The following PAK5 variants were observed in gnomAD, a reference collection of about 807,000 sequenced individuals.
PAK5 encodes serine/threonine-protein kinase PAK 5.
PAK5 carries 16 observed loss-of-function variants against 65.9 expected under a neutral mutation model. That is an observed-to-expected ratio of 0.24 (90% CI 0.16 to 0.37). The LOEUF (loss-of-function observed/expected upper bound fraction) is 0.37, where lower values mean the gene tolerates loss of function less well. Among genes scored for constraint, PAK5 ranks in the 10% least tolerant of loss-of-function variants. The pLI is 1.00. For synonymous variants in PAK5, 371 were observed against 354.9 expected, an observed-to-expected ratio of 1.05 and a Z score of -0.51; for missense variants, 785 against 903.9, an observed-to-expected ratio of 0.87 and a Z score of 1.69.
chr20:9,649,645 G>A (rs59570433), intron 2 of PAK5, among the ~76,000 whole-genome samples: 1,574 of 152,218 alleles, frequency 0.01, 34 homozygotes, highest in African/African-American at 0.036. Flanking sequence ...AGGTCTCTAC[G>A]AACAGGCATA....
chr20:9,746,784 C>T (rs1244394395), intron 1 of PAK5, among the ~76,000 whole-genome samples: 2 of 152,060 alleles, frequency 1.3e-5, no homozygotes, highest in African/African-American at 4.8e-5. Flanking sequence ...GTACCAAAAG[C>T]AAGAGCAAAC....
intron 1 of PAK5, among the ~76,000 whole-genome samples, chr20:9,816,049 T>C (rs1397569559): frequency 6.6e-6 from 1 of 152,112 alleles, no homozygotes; most frequent in Admixed American, 6.6e-5. Context: ...TTCTGAATTA[T>C]AGGAGATTGG....
intron 1 of PAK5, among the ~76,000 whole-genome samples, chr20:9,742,414 T>C (rs1015309154): frequency 6.6e-6 from 1 of 152,204 alleles, no homozygotes; most frequent in Admixed American, 6.5e-5. Flanking sequence ...ATTAATCAGA[T>C]GGAAGTGGGC....
At chr20:9,645,260 T>C (rs2047118719) in intron 2 of PAK5, among the ~76,000 whole-genome samples, 1 of 152,222 alleles carries the variant, frequency 6.6e-6, no homozygotes, top group Non-Finnish European at 1.5e-5. Context: ...TGAAACAACA[T>C]AGTTTACCTA....
rs2045529611 is a variant in PAK5, at chr20:9,557,712, T to C, written c.1639A>G (p.Thr547Ala). 6.2e-7 allele frequency: 1 copy of C among 1,611,536 alleles called. No individual in the cohort carries two copies. Among genetic ancestry groups the C allele is most frequent in the African/African-American group, 1.3e-5 (1 of 74,972 alleles). Residue 547 changes from threonine (T) to alanine (A), a missense_variant, in exon 7 of 10, where the codon ACT becomes GCT. Physicochemically the swap from Thr to Ala is moderately conservative, Grantham distance 58 (BLOSUM62 0). This residue lies in a region of PAK5 where 182 missense variants were observed against 273.0 expected (regional missense o/e 0.67). Coordinates refer to ENST00000353224, the MANE Select transcript of PAK5 (RefSeq NM_177990.4). ...GCTCTCAGAACTGACAGGCAGACAG[T>C]AGCTATCTGTTCTTCATTCATTCTG... ...HTRMNEEQIA[T>A]VCLSVLRALS...
chr20:9,817,035 T>C (rs1393095962), intron 1 of PAK5, among the ~76,000 whole-genome samples: 1 of 152,076 alleles, frequency 6.6e-6, no homozygotes, highest in Non-Finnish European at 1.5e-5. Context: ...TAGTCCCAGC[T>C]ACAAGGAAGG....
At chr20:9,766,256 G>GCTCTACTTGAATATATATATA (rs1569078866) in intron 1 of PAK5, among the ~76,000 whole-genome samples, 3 of 55,618 alleles carry the variant, frequency 5.4e-5, no homozygotes, top group African/African-American at 1.8e-4. Flanking sequence ...ATATATATAT[G>GCTCTACTTGAATATATATATA]TTCTAATTGA....
chr20:9,807,482 C>T (rs897444183), intron 1 of PAK5, among the ~76,000 whole-genome samples: 16 of 152,018 alleles, frequency 1.1e-4, no homozygotes, highest in African/African-American at 3.9e-4. Flanking sequence ...CATTAACACA[C>T]CCTGTGACCC....
At chr20:9,749,874 C>T (rs2048554455) in intron 1 of PAK5, among the ~76,000 whole-genome samples, 1 of 152,156 alleles carries the variant, frequency 6.6e-6, no homozygotes, top group Non-Finnish European at 1.5e-5. Flanking sequence ...TCCATATCTC[C>T]TTGCTGACCA....
intron 1 of PAK5, among the ~76,000 whole-genome samples, chr20:9,811,523 A>G (rs1018181155): frequency 3.3e-5 from 5 of 152,222 alleles, no homozygotes; most frequent in African/African-American, 1.2e-4. Flanking sequence ...CACTATGACC[A>G]GAGGCCAACT....
chr20:9,709,573 C>T (rs1031386711), intron 2 of PAK5, among the ~76,000 whole-genome samples: 3 of 152,238 alleles, frequency 2.0e-5, no homozygotes, highest in East Asian at 3.9e-4. Context: ...TGTAGAGTCT[C>T]ATGTGACTTT....
At chr20:9,743,775 T>G (rs1311976761) in intron 1 of PAK5, among the ~76,000 whole-genome samples, 1 of 152,198 alleles carries the variant, frequency 6.6e-6, no homozygotes, top group East Asian at 1.9e-4. Context: ...CCTAATTCTT[T>G]GAAGTCTGTG....
intron 2 of PAK5, among the ~76,000 whole-genome samples, chr20:9,683,037 T>C (rs926036680): frequency 6.6e-6 from 1 of 152,230 alleles, no homozygotes; most frequent in African/African-American, 2.4e-5. Context: ...TGGATACTAA[T>C]AGTTGGGCTG....
In PAK5 at chr20:9,566,332, T is replaced by A. The variant is rs2123001880; in HGVS notation, c.1043A>T (p.Asp348Val). ...TTTGGCAGGGCCCCTGGGGTAGGTG[T>A]CAGACCCTGACAGTGGAGGGCTGAG... ...MVLSPPLSGS[D>V]TYPRGPAKLP... Residue 348 changes from aspartate (D) to valine (V), a missense_variant, in exon 5 of 10, where the codon GAC (aspartate) becomes GTC (valine). Coordinates refer to ENST00000353224, the MANE Select transcript of PAK5 (RefSeq NM_177990.4). The A allele has an allele frequency of 6.2e-7, 1 of 1,613,678 alleles. No individual in the cohort carries two copies. Among genetic ancestry groups the A allele is most frequent in the Non-Finnish European group, 8.5e-7 (1 of 1,179,860 alleles).
At chr20:9,782,623 T>A (rs1569086023) in intron 1 of PAK5, among the ~76,000 whole-genome samples, 3 of 152,190 alleles carry the variant, frequency 2.0e-5, no homozygotes, top group Admixed American at 2.0e-4. Flanking sequence ...CCCTGGGTGC[T>A]CTGACTTCTG....
intron 1 of PAK5, among the ~76,000 whole-genome samples, chr20:9,761,217 G>A (rs897879863): frequency 6.6e-6 from 1 of 152,018 alleles, no homozygotes; most frequent in Non-Finnish European, 1.5e-5. Flanking sequence ...GCCTGATGCT[G>A]TATTAACTGA....
At chr20:9,704,526 A>G (rs2047981270) in intron 2 of PAK5, among the ~76,000 whole-genome samples, 1 of 152,138 alleles carries the variant, frequency 6.6e-6, no homozygotes, top group African/African-American at 2.4e-5. Context: ...TTTTATCCCA[A>G]TTTACCACTA....
intron 3 of PAK5, among the ~76,000 whole-genome samples, chr20:9,608,346 G>A (rs1373623185): frequency 1.3e-5 from 2 of 152,158 alleles, no homozygotes; most frequent in Non-Finnish European, 2.9e-5. Context: ...TAACTTTTCT[G>A]TAAATTTGAG....
chr20:9,756,216 T>C (rs539766466), intron 1 of PAK5, among the ~76,000 whole-genome samples: 45 of 152,220 alleles, frequency 3.0e-4, no homozygotes, highest in Non-Finnish European at 4.7e-4. Flanking sequence ...TAATATTCTA[T>C]AAAATATGTG....
Sources: gnomAD v4.1 joint callset for allele counts (sites outside exome capture counted in the v4.1 genomes callset) on GRCh38, gnomAD v4.1.1 for gene constraint, gnomAD v4.1.1 regional missense constraint, MANE v1.5 for transcripts, NCBI Gene and HGNC (gene_info 2026-07-23, HGNC 2026-07-21) for gene names.